Variants in RP1L1 observed in about 807,000 individuals in gnomAD.
The protein encoded by RP1L1 is RP1 like 1.
A neutral mutation model predicts 15.7 loss-of-function variants in RP1L1; 27 were observed. The ratio of observed to expected loss-of-function variants is 1.72; its 90% CI spans 1.27 to 2.38. The LOEUF is 2.38. RP1L1 is among the 30% of genes most tolerant of loss of function. RP1L1 has a pLI of 0.00. For synonymous variants in RP1L1, 1,813 were observed against 1,276.7 expected, an observed-to-expected ratio of 1.42 and a Z score of -8.96; for missense variants, 4,798 against 3,075.9, an observed-to-expected ratio of 1.56 and a Z score of -13.24.
intron 1 of RP1L1, among the ~76,000 whole-genome samples, chr8:10,648,362 G>GT (rs926681205): frequency 6.6e-6 from 1 of 151,888 alleles, no homozygotes; most frequent in Non-Finnish European, 1.5e-5. Flanking sequence ...TTGTTTGTTT[G>GT]TTTTTTTAAT....
In RP1L1 at chr8:10,611,546, C is replaced by G. The variant is rs1315115975; in HGVS notation, c.2552G>C (p.Arg851Thr). The change falls in exon 4 of 4, where the codon AGG (arginine) becomes ACG (threonine). Residue 851 changes from arginine to threonine, a missense_variant. Transcript: ENST00000382483. ...CCCCCTGGGCGGGGTGGGACAGTACCTGCCACACAGCCAGCTAGCCTCAGG... is the reference window on the plus strand; with the variant it reads ...CCCCCTGGGCGGGGTGGGACAGTACGTGCCACACAGCCAGCTAGCCTCAGG... ...PSPEASWLCG[R>T]YCPTPPRGRP... The G allele has an allele frequency of 6.3e-7, 1 of 1,596,200 alleles. No homozygotes were observed. The highest frequency in any genetic ancestry group is 8.5e-7 in the Non-Finnish European group (1 of 1,171,948).
intron 1 of RP1L1, among the ~76,000 whole-genome samples, chr8:10,627,957 C>T (rs770945391): frequency 6.6e-6 from 1 of 152,218 alleles, no homozygotes; most frequent in South Asian, 2.1e-4. Context: ...CAGACCTTTA[C>T]TTAGACACAG....
At position 10,611,932 on chromosome 8, in the gene RP1L1, G is replaced by A; in HGVS notation, c.2166C>T (p.Pro722=). 6.2e-7 allele frequency: 1 copy of A among 1,613,898 alleles called. No individual in the cohort carries two copies. The highest frequency in any genetic ancestry group is 8.5e-7 in the Non-Finnish European group (1 of 1,180,028). Residue 722 remains proline, a synonymous_variant, in exon 4 of 4, where the codon CCC becomes CCT. Coordinates refer to ENST00000382483, the MANE Select transcript of RP1L1 (RefSeq NM_178857.6). ...RTQASGNLRP[P]SSGSLPSQDL... ...CCTGGGAAGGAAGAGAGCCCGAGGAGGGAGGTCTCAGGTTCCCAGAGGCCT... is the reference window on the plus strand; with the variant it reads ...CCTGGGAAGGAAGAGAGCCCGAGGAAGGAGGTCTCAGGTTCCCAGAGGCCT...
intron 3 of RP1L1, 51 bp downstream of exon 3, chr8:10,616,395 G>T: frequency 1.2e-6 from 2 of 1,612,422 alleles, no homozygotes; most frequent in South Asian, 2.2e-5. Context: ...CAGCCCTACT[G>T]AACCACCATG....
intron 1 of RP1L1, among the ~76,000 whole-genome samples, chr8:10,653,953 G>T (rs574205648): frequency 9.2e-5 from 14 of 152,290 alleles, no homozygotes; most frequent in Non-Finnish European, 1.8e-4. Context: ...CAGTGTCTTT[G>T]CTCCTTTTCC....
At chr8:10,647,886 T>C (rs1171188366) in intron 1 of RP1L1, among the ~76,000 whole-genome samples, 5 of 152,206 alleles carry the variant, frequency 3.3e-5, no homozygotes, top group South Asian at 2.1e-4. Context: ...CCTATGACAA[T>C]TGTACATTTA....
chr8:10,620,090 C>A (rs1330750175), intron 2 of RP1L1, among the ~76,000 whole-genome samples: 1 of 152,146 alleles, frequency 6.6e-6, no homozygotes, highest in Admixed American at 6.5e-5. Flanking sequence ...GACTAAGACA[C>A]CTGTATCTTA....
chr8:10,639,424 G>C (rs1053834747), intron 1 of RP1L1, among the ~76,000 whole-genome samples: 1 of 152,294 alleles, frequency 6.6e-6, no homozygotes, highest in East Asian at 1.9e-4. Context: ...TCAGGCTGGA[G>C]TGCAGTGACA....
chr8:10,631,868 A>T (rs1412128103), intron 1 of RP1L1, among the ~76,000 whole-genome samples: 2 of 152,212 alleles, frequency 1.3e-5, no homozygotes, highest in African/African-American at 4.8e-5. Context: ...ATTCAAAAAC[A>T]GGAAGGGGGA....
At chr8:10,620,592 G>C (rs1157444484) in intron 2 of RP1L1, among the ~76,000 whole-genome samples, 3 of 152,132 alleles carry the variant, frequency 2.0e-5, no homozygotes, top group South Asian at 2.1e-4. Flanking sequence ...GGTGACAAGA[G>C]TGAGACTCTG....
In RP1L1 at chr8:10,608,112, C is replaced by G; in HGVS notation, c.5986G>C (p.Glu1996Gln). Reference sequence around the variant, plus strand: ...TCTGGGGCCTCTACATCTTCTGACTCTGGCTGGGCCTCCCCTTCTGCCTCC... The same window carrying G: ...TCTGGGGCCTCTACATCTTCTGACTGTGGCTGGGCCTCCCCTTCTGCCTCC... ...TQEAEGEAQPESEDVEAPEAE... is the reference protein window; with the variant it reads ...TQEAEGEAQPQSEDVEAPEAE... The change falls in exon 4 of 4, where the codon GAG (glutamate) becomes CAG (glutamine). Residue 1996 changes from glutamate (E) to glutamine (Q), a missense_variant. Transcript: ENST00000382483. 6.2e-7 allele frequency: 1 copy of G among 1,613,370 alleles called. No homozygotes were observed. Among genetic ancestry groups the G allele is most frequent in the Non-Finnish European group, 8.5e-7 (1 of 1,179,820 alleles).
intron 2 of RP1L1, among the ~76,000 whole-genome samples, chr8:10,622,135 A>C (rs1162096584): frequency 6.6e-6 from 1 of 152,006 alleles, no homozygotes; most frequent in Non-Finnish European, 1.5e-5. Flanking sequence ...CAGCCTGACC[A>C]ACATGGAGAA....
chr8:10,652,933 G>A (rs1798583957), intron 1 of RP1L1, among the ~76,000 whole-genome samples: 1 of 152,176 alleles, frequency 6.6e-6, no homozygotes, highest in South Asian at 2.1e-4. Context: ...GGAAGGCTCG[G>A]TCTTTGGGGA....
intron 1 of RP1L1, among the ~76,000 whole-genome samples, chr8:10,647,907 G>A (rs977807456): frequency 9.9e-5 from 15 of 152,192 alleles, no homozygotes. Context: ...ATTTCTTGGA[G>A]GAAACTCCAT....
chr8:10,612,886 C>T lies in RP1L1; in HGVS notation c.1212G>A (p.Lys404=), dbSNP rs544131307. 1.2e-6 allele frequency: 2 copies of T among 1,612,922 alleles called. No homozygotes were observed. The highest frequency in any genetic ancestry group is 1.3e-5 in the African/African-American group (1 of 75,016). Residue 404 remains lysine (K), a synonymous_variant, in exon 4 of 4, where the codon AAG becomes AAA. Coordinates refer to ENST00000382483, the MANE Select transcript of RP1L1 (RefSeq NM_178857.6). ...GCAGGGGATTCGTCCAGATTTCATACTTGGGCCCTGGCTGCCCGCCTCGGC... is the reference window on the plus strand; with the variant it reads ...GCAGGGGATTCGTCCAGATTTCATATTTGGGCCCTGGCTGCCCGCCTCGGC... ...VFGRGGQPGP[K]YEIWTNPLHA...
intron 1 of RP1L1, among the ~76,000 whole-genome samples, chr8:10,651,690 G>A (rs761640119): frequency 2.6e-5 from 4 of 151,366 alleles, no homozygotes; most frequent in Non-Finnish European, 5.9e-5. Context: ...TCAGGAGGCG[G>A]AGGCTGCAGT....
In RP1L1 at chr8:10,611,318, G is replaced by T. The variant is rs77230188; in HGVS notation, c.2780C>A (p.Thr927Asn). The stretch of plus-strand genomic sequence containing the variant: ...CTGGGGGCCTCCCCCACTCCTCAAG[G>T]TCTTCTCCTCGGACAGCCCCCGAGA... ...AGSRGLSEEK[T>N]LRSGGGPQGQ... The change falls in exon 4 of 4, where the codon ACC becomes AAC. Residue 927 changes from threonine (T) to asparagine (N), a missense_variant. Transcript: ENST00000382483. The T allele has an allele frequency of 3.2e-3, 5,226 of 1,612,812 alleles. 147 individuals are homozygous for T. The African/African-American group carries it at 0.059, about 18-fold the overall frequency.
In RP1L1 at chr8:10,610,976, C is replaced by G. The variant is rs570355453; in HGVS notation, c.3122G>C (p.Gly1041Ala). 2.5e-5 allele frequency: 41 copies of G among 1,612,464 alleles called. No individual in the cohort carries two copies. The Admixed American group carries it at 6.7e-4, about 26-fold the overall frequency. Reference sequence around the variant, plus strand: ...CTCTGGAGCTGCCCCTTGGGGGACACCCTCTCCTGATTGGGGACCAGTGTC... The same window carrying G: ...CTCTGGAGCTGCCCCTTGGGGGACAGCCTCTCCTGATTGGGGACCAGTGTC... ...SSDTGPQSGE[G>A]VPQGAAPEGV... The change falls in exon 4 of 4, where the codon GGT becomes GCT. Residue 1041 changes from glycine (G) to alanine (A), a missense_variant. Coordinates refer to ENST00000382483, the MANE Select transcript of RP1L1 (RefSeq NM_178857.6).
At chr8:10,625,002 C>A (rs554325683) in intron 1 of RP1L1, among the ~76,000 whole-genome samples, 6 of 152,272 alleles carry the variant, frequency 3.9e-5, no homozygotes, top group South Asian at 4.1e-4. Context: ...TGTCAGATCC[C>A]CCACTTTGTC....
Sources: allele counts gnomAD v4.1 joint callset (sites outside exome capture counted in the v4.1 genomes callset), GRCh38; gene constraint gnomAD v4.1.1; transcripts MANE v1.5; gene names NCBI Gene and HGNC (gene_info 2026-07-23, HGNC 2026-07-21).